RPGRIP1: variants seen among roughly 807,000 people sequenced by gnomAD.
RPGRIP1 encodes the protein X-linked retinitis pigmentosa GTPase regulator-interacting protein 1.
RPGRIP1 carries 128 observed loss-of-function variants against 157.9 expected under a neutral mutation model. The observed-to-expected ratio is 0.81, with a 90% CI of 0.70 to 0.94. The LOEUF (loss-of-function observed/expected upper bound fraction) is 0.94, where lower values mean the gene tolerates loss of function less well. Among genes scored for constraint, RPGRIP1 ranks in the 40% least tolerant of loss-of-function variants. The pLI is 0.00. For synonymous variants in RPGRIP1, 554 were observed against 571.6 expected (o/e 0.97, Z 0.44); for missense variants, 1,486 against 1,545.8 (o/e 0.96, Z 0.65).
intron 20 of RPGRIP1, among the ~76,000 whole-genome samples, chr14:21,332,940 C>A (rs959479303): frequency 2.0e-5 from 3 of 152,102 alleles, no homozygotes; most frequent in Admixed American, 1.3e-4. Flanking sequence ...CCCGCCTCTA[C>A]TAAAAATGCA....
At chr14:21,320,794 T>C (rs1645256265) in intron 12 of RPGRIP1, among the ~76,000 whole-genome samples, 1 of 151,520 alleles carries the variant, frequency 6.6e-6, no homozygotes, top group Non-Finnish European at 1.5e-5. Flanking sequence ...AGAGACAGGG[T>C]TTCGCCATTT....
intron 17 of RPGRIP1, among the ~76,000 whole-genome samples, chr14:21,326,774 A>G (rs893233835): frequency 1.3e-5 from 2 of 151,982 alleles, no homozygotes; most frequent in Non-Finnish European, 2.9e-5. Context: ...ATAAACTGAG[A>G]CCTTAACACT....
At chr14:21,294,513 C>T (rs1880678171) in intron 2 of RPGRIP1, among the ~76,000 whole-genome samples, 164 bp from the exon 3 acceptor site, 1 of 152,174 alleles carries the variant, frequency 6.6e-6, no homozygotes, top group African/African-American at 2.4e-5. Flanking sequence ...CAGGTGTGAG[C>T]CACTGCGCCT....
intron 21 of RPGRIP1, among the ~76,000 whole-genome samples, chr14:21,342,219 C>A (rs1274007159): frequency 6.6e-6 from 1 of 151,988 alleles, no homozygotes; most frequent in African/African-American, 2.4e-5. Context: ...TAGGTCCTAA[C>A]CTCAGGAAAA....
intron 6 of RPGRIP1, among the ~76,000 whole-genome samples, chr14:21,304,647 A>G (rs535931178): frequency 3.9e-5 from 6 of 152,248 alleles, no homozygotes; most frequent in African/African-American, 9.6e-5. Context: ...GAGTTCCTGT[A>G]TACCCATTGC....
intron 10 of RPGRIP1, among the ~76,000 whole-genome samples, chr14:21,316,006 C>T (rs1881785115): frequency 7.1e-6 from 1 of 140,390 alleles, no homozygotes; most frequent in African/African-American, 2.7e-5. Flanking sequence ...GACAAAGTCT[C>T]ACTCTGTTGC....
chr14:21,332,283 C>G (rs1883873531), intron 20 of RPGRIP1, among the ~76,000 whole-genome samples: 1 of 152,048 alleles, frequency 6.6e-6, no homozygotes, highest in Non-Finnish European at 1.5e-5. Flanking sequence ...GGCATAACTT[C>G]TTAAATGGGA....
At position 21,302,545 on chromosome 14, in the gene RPGRIP1, A is replaced by G. The variant is rs759808929; in HGVS notation, c.548A>G (p.Asn183Ser). ...CCATCGTTTAAGGAGCATGCGACAAATGAAAACAGAGGTGAAGTAGCCAGT... is the reference window on the plus strand; with the variant it reads ...CCATCGTTTAAGGAGCATGCGACAAGTGAAAACAGAGGTGAAGTAGCCAGT... ...APPSFKEHAT[N>S]ENRGEVASKP... is the part of the protein sequence containing the mutation. The change falls in exon 5 of 25, where the codon AAT (asparagine) becomes AGT (serine). Residue 183 changes from asparagine (N) to serine (S), a missense_variant. By Grantham distance (46) the Asn-to-Ser change is conservative. Coordinates refer to ENST00000400017, the MANE Select transcript of RPGRIP1 (RefSeq NM_020366.4). 6.3e-7 allele frequency: 1 copy of G among 1,588,232 alleles called. No individual in the cohort carries two copies. The highest frequency in any genetic ancestry group is 1.3e-5 in the African/African-American group (1 of 74,692).
rs553619693 is a variant in RPGRIP1, at chr14:21,296,536, A to T, written c.218+1727A>T. On this transcript the variant is annotated intron_variant, in intron 3 of 24. Transcript: ENST00000400017. The stretch of plus-strand genomic sequence containing the variant: ...GCCTTAATATTTGTATTTTTTGTAG[A>T]GATGGGGTTTCACCATGTTGGCCAG... 2.6e-5 allele frequency among the ~76,000 whole-genome samples: 4 copies of T among 150,996 alleles called. No homozygotes were observed. The South Asian group carries it at 8.4e-4, about 32-fold the overall frequency.
chr14:21,320,361 C>T (rs1357543679), intron 12 of RPGRIP1, among the ~76,000 whole-genome samples, 184 bp downstream of exon 12: 4 of 151,998 alleles, frequency 2.6e-5, no homozygotes, highest in Admixed American at 6.6e-5. Context: ...GCGATCTCGG[C>T]TCACTGCAGG....
chr14:21,305,312 G>C (rs1881254738), intron 6 of RPGRIP1, among the ~76,000 whole-genome samples: 1 of 152,136 alleles, frequency 6.6e-6, no homozygotes, highest in Non-Finnish European at 1.5e-5. Context: ...ACAGTATGTG[G>C]CCTTTTCAAA....
At chr14:21,289,391 A>G (rs1440722678) in intron 2 of RPGRIP1, among the ~76,000 whole-genome samples, 4 of 152,124 alleles carry the variant, frequency 2.6e-5, no homozygotes, top group Non-Finnish European at 5.9e-5. Flanking sequence ...TCACACCTGC[A>G]CCAGCTACTC....
intron 3 of RPGRIP1, among the ~76,000 whole-genome samples, chr14:21,299,077 G>A (rs984139123): frequency 6.0e-5 from 9 of 150,960 alleles, no homozygotes; most frequent in Admixed American, 2.0e-4. Context: ...GTGCAATGGC[G>A]TGATCTCGGC....
chr14:21,318,137 G>C, intron 11 of RPGRIP1: 1 of 547,394 alleles, frequency 1.8e-6, no homozygotes, highest in Non-Finnish European at 3.5e-6. Context: ...GTGGAGTTTC[G>C]CTCTTGTTGC....
At chr14:21,340,400 G>T (rs903144200) in intron 21 of RPGRIP1, among the ~76,000 whole-genome samples, 4 of 152,200 alleles carry the variant, frequency 2.6e-5, no homozygotes, top group African/African-American at 9.6e-5. Flanking sequence ...CACGCCTGTA[G>T]TCCCAACACT....
intron 23 of RPGRIP1, among the ~76,000 whole-genome samples, 196 bp from the exon 24 acceptor site, chr14:21,347,976 C>G (rs891757173): frequency 6.6e-6 from 1 of 152,146 alleles, no homozygotes; most frequent in Non-Finnish European, 1.5e-5. Context: ...ATGATGTTCC[C>G]TCTTCTAAAA....
At chr14:21,333,655 G>T (rs1884019038) in intron 20 of RPGRIP1, among the ~76,000 whole-genome samples, 1 of 152,166 alleles carries the variant, frequency 6.6e-6, no homozygotes, top group African/African-American at 2.4e-5. Context: ...TGATCAGGTG[G>T]TCCTGGCTGT....
chr14:21,308,322 T>G (rs1881401689), intron 7 of RPGRIP1, among the ~76,000 whole-genome samples: 2 of 152,214 alleles, frequency 1.3e-5, no homozygotes, highest in Non-Finnish European at 2.9e-5. Flanking sequence ...AACATCTGAT[T>G]GGTGGAAATA....
At position 21,341,345 on chromosome 14, in the gene RPGRIP1, T is replaced by C. The variant is rs538228492; in HGVS notation, c.3340-1691T>C. Among the ~76,000 whole-genome samples the C allele has an allele frequency of 1.2e-4, 18 of 152,300 alleles. No individual in the cohort carries two copies. The South Asian group carries it at 1.2e-3, about 11-fold the overall frequency. On this transcript the variant is annotated intron_variant, in intron 21 of 24. Transcript: ENST00000400017. ...TGCACCCCGCCAAATATCTTCATTT[T>C]TAAGAAGCACCCCAGATGATTCTGA...
Sources: allele counts gnomAD v4.1 joint callset (sites outside exome capture counted in the v4.1 genomes callset), GRCh38; gene constraint gnomAD v4.1.1; transcripts MANE v1.5; gene names NCBI Gene and HGNC (gene_info 2026-07-23, HGNC 2026-07-21).